The following RBMS3 variants were observed in gnomAD, a reference collection of about 807,000 sequenced individuals.
RBMS3 encodes RNA binding motif single stranded interacting protein 3.
RBMS3 carries 27 observed loss-of-function variants against 66.8 expected under a neutral mutation model. That is an observed-to-expected ratio of 0.40 (90% CI 0.30 to 0.56). The LOEUF (loss-of-function observed/expected upper bound fraction) is 0.56. Ranked by LOEUF, RBMS3 falls within the 20% of genes least tolerant of loss-of-function variation. The probability of loss-of-function intolerance (pLI) is 0.40; values close to 1 mark genes in which losing one functional copy is unlikely to be tolerated. For missense variants in RBMS3, 513 were observed against 549.5 expected, an observed-to-expected ratio of 0.93 and a Z score of 0.66; for synonymous variants, 188 against 183.0, an observed-to-expected ratio of 1.03 and a Z score of -0.22.
At position 29,534,556 on chromosome 3, in the gene RBMS3, T is replaced by A. The variant is rs555119675; in HGVS notation, c.307+46057T>A. 2.4e-3 allele frequency among the ~76,000 whole-genome samples: 362 copies of A among 152,328 alleles called. 1 individual carries two copies. Among genetic ancestry groups the A allele is most frequent in the Middle Eastern group, 6.8e-3 (2 of 294 alleles). ...AATTTACATCTGTTAAATATGATAATTTTTTCCTAAAGGTTCTTTACACCT... is the reference window on the plus strand; with the variant it reads ...AATTTACATCTGTTAAATATGATAAATTTTTCCTAAAGGTTCTTTACACCT... On this transcript the variant is annotated intron_variant, in intron 3 of 14. Transcript: ENST00000383767.
Position 29,587,164 on chromosome 3 carries a change from G to A in RBMS3, c.358G>A (p.Ala120Thr). ...DSPAAAQKAV[A>T]SLKANGVQAQ... is the part of the protein sequence containing the mutation. The stretch of plus-strand genomic sequence containing the variant: ...TCCTGCAGCCGCACAGAAAGCGGTA[G>A]CATCTCTCAAGGCAAATGGCGTGCA... The change falls in exon 4 of 15, where the codon GCA becomes ACA. Residue 120 changes from alanine (A) to threonine (T), a missense_variant. Coordinates refer to ENST00000383767, the MANE Select transcript of RBMS3 (RefSeq NM_001003793.3). 2 of 1,596,232 alleles carry A rather than the reference G, an allele frequency of 1.3e-6. No homozygotes were observed. Among genetic ancestry groups the A allele is most frequent in the Non-Finnish European group, 1.7e-6 (2 of 1,170,926 alleles).
At chr3:29,716,002 A>T (rs1330459536) in intron 4 of RBMS3, among the ~76,000 whole-genome samples, 2 of 152,094 alleles carry the variant, frequency 1.3e-5, no homozygotes, top group Non-Finnish European at 2.9e-5. Context: ...ATGACCTTTG[A>T]ATTTCAATGA....
intron 4 of RBMS3, among the ~76,000 whole-genome samples, chr3:29,685,400 C>G (rs1174309417): frequency 3.3e-5 from 5 of 152,086 alleles, no homozygotes; most frequent in African/African-American, 1.2e-4. Context: ...TTAATACGTT[C>G]TGTATTAGTT....
At chr3:29,418,550 T>C (rs1026922998) in intron 1 of RBMS3, among the ~76,000 whole-genome samples, 2 of 152,154 alleles carry the variant, frequency 1.3e-5, no homozygotes, top group African/African-American at 4.8e-5. Context: ...AAAGTGGTTC[T>C]TGGCCAATGG....
At chr3:29,725,015 C>A (rs1222937281) in intron 4 of RBMS3, among the ~76,000 whole-genome samples, 4 of 152,010 alleles carry the variant, frequency 2.6e-5, no homozygotes, top group African/African-American at 9.7e-5. Context: ...TGATCAAGAG[C>A]AAATATGAAA....
At chr3:29,856,739 T>TAGTC (rs1271542889) in intron 6 of RBMS3, among the ~76,000 whole-genome samples, 1 of 152,218 alleles carries the variant, frequency 6.6e-6, no homozygotes, top group Non-Finnish European at 1.5e-5. Flanking sequence ...TTGTATTTTA[T>TAGTC]AGTCATTTCT....
intron 6 of RBMS3, among the ~76,000 whole-genome samples, chr3:29,772,282 A>G (rs1354739736): frequency 6.6e-6 from 1 of 151,978 alleles, no homozygotes; most frequent in East Asian, 1.9e-4. Context: ...TAATAAGTTT[A>G]TGTTGTTTTA....
intron 6 of RBMS3, among the ~76,000 whole-genome samples, chr3:29,796,256 GC>G (rs1326051381): frequency 6.6e-6 from 1 of 152,030 alleles, no homozygotes; most frequent in African/African-American, 2.4e-5. Flanking sequence ...GAGCCACCGT[GC>G]CCACCCCCAT....
chr3:29,802,328 T>A (rs1446221842), intron 6 of RBMS3, among the ~76,000 whole-genome samples: 3 of 152,200 alleles, frequency 2.0e-5, no homozygotes, highest in Non-Finnish European at 2.9e-5. Context: ...CTTAGAAGGC[T>A]TTCTACTGTT....
intron 10 of RBMS3, among the ~76,000 whole-genome samples, chr3:29,910,467 G>C (rs905481281): frequency 1.3e-5 from 2 of 152,114 alleles, no homozygotes; most frequent in African/African-American, 2.4e-5. Flanking sequence ...CACATATTGA[G>C]AGTATTCTCA....
At chr3:29,482,352 C>T (rs900996058) in intron 2 of RBMS3, among the ~76,000 whole-genome samples, 1 of 152,142 alleles carries the variant, frequency 6.6e-6, no homozygotes, top group Non-Finnish European at 1.5e-5. Flanking sequence ...TGAAAGTATG[C>T]ATTTTTGGTC....
chr3:29,560,020 C>A (rs2149046584), intron 3 of RBMS3, among the ~76,000 whole-genome samples: 1 of 152,222 alleles, frequency 6.6e-6, no homozygotes, highest in East Asian at 1.9e-4. Flanking sequence ...TCTCAGCCTT[C>A]AAAAATATTT....
At chr3:29,571,330 G>T (rs1261657214) in intron 3 of RBMS3, among the ~76,000 whole-genome samples, 1 of 152,000 alleles carries the variant, frequency 6.6e-6, no homozygotes, top group Non-Finnish European at 1.5e-5. Flanking sequence ...TTAACTTGAT[G>T]AGATCCCATC....
chr3:29,664,321 C>G (rs2050670625), intron 4 of RBMS3, among the ~76,000 whole-genome samples: 2 of 152,086 alleles, frequency 1.3e-5, no homozygotes, highest in Admixed American at 6.5e-5. Flanking sequence ...AACCCTATCT[C>G]TACTAAAAAT....
chr3:29,816,356 C>G (rs1031445062), intron 6 of RBMS3, among the ~76,000 whole-genome samples: 3 of 148,742 alleles, frequency 2.0e-5, no homozygotes, highest in South Asian at 2.2e-4. Context: ...ACACATTTCA[C>G]TGGACAGACC....
chr3:29,868,746 A>G, intron 6 of RBMS3, 112 bp from the exon 7 acceptor site: 1 of 955,618 alleles, frequency 1.0e-6, no homozygotes, highest in Non-Finnish European at 1.6e-6. Flanking sequence ...TCTCTTCAGA[A>G]GCAAGATGTT....
chr3:29,688,477 T>C (rs1017274489), intron 4 of RBMS3, among the ~76,000 whole-genome samples: 1 of 151,610 alleles, frequency 6.6e-6, no homozygotes, highest in Non-Finnish European at 1.5e-5. Flanking sequence ...AGATCCCACA[T>C]TGTGAATTTA....
rs1222967492 is a variant in RBMS3, at chr3:29,721,303, G to A, written c.400-18417G>A. Among the ~76,000 whole-genome samples the A allele has an allele frequency of 7.2e-5, 11 of 152,108 alleles. No individual in the cohort carries two copies. In the East Asian group the frequency reaches 1.9e-3, roughly 27 times the overall value. On this transcript the variant is annotated intron_variant, in intron 4 of 14. Coordinates refer to ENST00000383767, the MANE Select transcript of RBMS3 (RefSeq NM_001003793.3). ...AAAAATACCCAAATCAACATTGGAA[G>A]CCTTATGTATATTTATATAAGATAT...
At position 29,482,697 on chromosome 3, in the gene RBMS3, CTTTCTTTTTTTTTTTTT is replaced by C. The variant is rs1430909593; in HGVS notation, c.249-5740_249-5724del. Among the ~76,000 whole-genome samples, 30 of 92,944 alleles carry C rather than the reference CTTTCTTTTTTTTTTTTT, an allele frequency of 3.2e-4. 1 individual carries two copies. The Admixed American group carries it at 4.0e-3, about 12-fold the overall frequency. The allele number at this position is 92,944 out of a possible 152,430, so 61.0% of individuals were successfully genotyped here. On this transcript the variant is annotated intron_variant, in intron 2 of 14. Coordinates refer to ENST00000383767, the MANE Select transcript of RBMS3 (RefSeq NM_001003793.3). ...ACACAGTCTACCATTTTCTTTCTTTCTTTCTTTTTTTTTTTTTTTTTTTTTTTTGAGACGGAGTGTCG... is the reference window on the plus strand; with the variant it reads ...ACACAGTCTACCATTTTCTTTCTTTCTTTTTTTTTTTGAGACGGAGTGTCG...
Sources: allele counts gnomAD v4.1 joint callset (sites outside exome capture counted in the v4.1 genomes callset), GRCh38; gene constraint gnomAD v4.1.1; transcripts MANE v1.5; gene names NCBI Gene and HGNC (gene_info 2026-07-23, HGNC 2026-07-21).